The following SGMS1 variants were observed in gnomAD, a reference collection of about 807,000 sequenced individuals.
SGMS1 encodes sphingomyelin synthase 1.
Under a neutral mutation model 46.2 loss-of-function variants are expected in SGMS1, and 13 were observed. The observed-to-expected ratio is 0.28, with a 90% confidence interval of 0.18 to 0.45. SGMS1 has a LOEUF of 0.45. Ranked by LOEUF, SGMS1 falls within the 20% of genes least tolerant of loss-of-function variation. SGMS1 has a pLI of 1.00. For synonymous variants in SGMS1, 203 were observed against 187.8 expected (o/e 1.08, Z -0.66); for missense variants, 324 against 519.9 (o/e 0.62, Z 3.66).
chr10:50,585,109 A>G (rs1012338271), intron 2 of SGMS1, among the ~76,000 whole-genome samples: 2 of 152,282 alleles, frequency 1.3e-5, no homozygotes, highest in African/African-American at 4.8e-5. Context: ...AAGAAGAAAC[A>G]AACTTTTATG....
Position 50,524,546 on chromosome 10 carries a change from T to A in SGMS1, c.-588-4625A>T, listed in dbSNP as rs568958239. On this transcript the variant is annotated intron_variant, in intron 2 of 10. Transcript: ENST00000361781. The stretch of plus-strand genomic sequence containing the variant: ...GCCCTATGCTCACCTTTATAATAAA[T>A]AAACTTCACTGAGTGCTTTTGATAT... Among the ~76,000 whole-genome samples the A allele has an allele frequency of 5.9e-5, 9 of 152,320 alleles. No homozygotes were observed. In the East Asian group the frequency reaches 1.7e-3, roughly 29 times the overall value.
At chr10:50,505,920 C>A (rs1396100034) in intron 3 of SGMS1, among the ~76,000 whole-genome samples, 1 of 152,156 alleles carries the variant, frequency 6.6e-6, no homozygotes, top group Non-Finnish European at 1.5e-5. Context: ...CCACCCAAAC[C>A]ACAATCCACC....
At chr10:50,586,913 A>C (rs187014207) in intron 2 of SGMS1, among the ~76,000 whole-genome samples, 1 of 152,372 alleles carries the variant, frequency 6.6e-6, no homozygotes, top group East Asian at 1.9e-4. Context: ...TAGTAAAATA[A>C]ATAAATTGTT....
intron 1 of SGMS1, among the ~76,000 whole-genome samples, chr10:50,616,803 TAA>T (rs1838801990): frequency 6.6e-6 from 1 of 152,212 alleles, no homozygotes; most frequent in South Asian, 2.1e-4. Context: ...GAAACTCTAT[TAA>T]AAAGTCATTT....
At chr10:50,587,153 T>C (rs974792774) in intron 2 of SGMS1, among the ~76,000 whole-genome samples, 1 of 152,212 alleles carries the variant, frequency 6.6e-6, no homozygotes, top group East Asian at 1.9e-4. Context: ...AAGGGTACAG[T>C]TGACCCTTGA....
intron 6 of SGMS1, among the ~76,000 whole-genome samples, chr10:50,400,405 AT>A (rs1255562140): frequency 2.7e-4 from 1 of 3,646 alleles, no homozygotes; most frequent in African/African-American, 1.2e-3. Flanking sequence ...GCATATATAT[AT>A]ATATATATAT....
At chr10:50,418,703 G>A (rs4935152) in intron 6 of SGMS1, among the ~76,000 whole-genome samples, 28,809 of 152,114 alleles carry the variant, frequency 0.19, 2,940 homozygotes, top group Admixed American at 0.23. Flanking sequence ...CATTAGTTTC[G>A]ATTAGTAAAA....
At position 50,344,880 on chromosome 10, in the gene SGMS1, A is replaced by T. The variant is rs189357339; in HGVS notation, c.-231-535T>A. ...AGCGAGATTCCTTCTCAAAAAAAAAAAATAATAATAATTTCCAATGGTCTA... is the reference window on the plus strand; with the variant it reads ...AGCGAGATTCCTTCTCAAAAAAAAATAATAATAATAATTTCCAATGGTCTA... On this transcript the variant is annotated intron_variant, in intron 6 of 10. Transcript: ENST00000361781. Among the ~76,000 whole-genome samples the T allele has an allele frequency of 1.0e-3, 152 of 152,084 alleles. 2 individuals carry two copies. Among genetic ancestry groups the T allele is most frequent in the African/African-American group, 3.0e-3 (124 of 41,458 alleles).
chr10:50,529,255 A>G (rs902072821), intron 2 of SGMS1, among the ~76,000 whole-genome samples: 1 of 152,236 alleles, frequency 6.6e-6, no homozygotes, highest in African/African-American at 2.4e-5. Flanking sequence ...CCTTAAGAAA[A>G]AAGAAGGCAG....
intron 6 of SGMS1, among the ~76,000 whole-genome samples, chr10:50,409,035 CA>C (rs1849061722): frequency 6.6e-6 from 1 of 152,108 alleles, no homozygotes; most frequent in Admixed American, 6.5e-5. Context: ...GATTAGAGTC[CA>C]GACCCAGTAG....
intron 1 of SGMS1, among the ~76,000 whole-genome samples, chr10:50,602,403 C>T (rs1838657373): frequency 6.6e-6 from 1 of 151,986 alleles, no homozygotes; most frequent in Admixed American, 6.5e-5. Context: ...CCTTATTTAA[C>T]TCAGTCCTTA....
intron 2 of SGMS1, among the ~76,000 whole-genome samples, chr10:50,554,699 T>G (rs1838176245): frequency 6.6e-6 from 1 of 152,150 alleles, no homozygotes. Context: ...TTTAAAATTA[T>G]AAAAGTCATA....
At chr10:50,604,236 C>A (rs1437582299) in intron 1 of SGMS1, among the ~76,000 whole-genome samples, 1 of 152,070 alleles carries the variant, frequency 6.6e-6, no homozygotes, top group Non-Finnish European at 1.5e-5. Flanking sequence ...ACCTGACACC[C>A]CACCCAAAAG....
chr10:50,554,805 T>C (rs756251316), intron 2 of SGMS1, among the ~76,000 whole-genome samples: 12 of 152,264 alleles, frequency 7.9e-5, no homozygotes, highest in Non-Finnish European at 1.6e-4. Context: ...TCACTATGTA[T>C]TCTTTTTCTA....
chr10:50,420,507 CTCAG>C (rs1849241565), intron 6 of SGMS1, among the ~76,000 whole-genome samples: 2 of 152,200 alleles, frequency 1.3e-5, no homozygotes, highest in South Asian at 4.1e-4. Flanking sequence ...ACCTTTTCCT[CTCAG>C]TCAATTAAAT....
At chr10:50,625,023 C>T, upstream of SGMS1, 6 of 1,005,762 alleles carry the variant, frequency 6.0e-6, no homozygotes, top group Non-Finnish European at 7.2e-6. Context: ...CCTCCCCCGC[C>T]ACGCCCTCCC....
chr10:50,538,180 G>A (rs2133814173), intron 2 of SGMS1, among the ~76,000 whole-genome samples: 1 of 134,576 alleles, frequency 7.4e-6, no homozygotes, highest in Non-Finnish European at 1.6e-5. Context: ...TATCAGGGGT[G>A]GGTGGGTGGG....
chr10:50,621,434 A>G (rs546745007), intron 1 of SGMS1, among the ~76,000 whole-genome samples: 30 of 152,356 alleles, frequency 2.0e-4, no homozygotes, highest in African/African-American at 6.5e-4. Context: ...GTGCAAAGGT[A>G]TTGATGCATA....
intron 8 of SGMS1, among the ~76,000 whole-genome samples, chr10:50,322,223 ACT>A (rs536952710): frequency 9.3e-4 from 141 of 152,228 alleles, no homozygotes; most frequent in African/African-American, 3.3e-3. Flanking sequence ...GTCTTAATGT[ACT>A]CTCTCTCTTC....
Sources: allele counts gnomAD v4.1 joint callset (sites outside exome capture counted in the v4.1 genomes callset), GRCh38; gene constraint gnomAD v4.1.1; transcripts MANE v1.5; gene names NCBI Gene and HGNC (gene_info 2026-07-23, HGNC 2026-07-21).